ABCB6: variants seen among roughly 807,000 people sequenced by gnomAD.
ABCB6 encodes ATP binding cassette subfamily B member 6 (LAN blood group), also known as ATP-binding cassette sub-family B member 6.
In ABCB6, 87 loss-of-function variants were observed where a neutral mutation model predicts 99.4. The observed-to-expected ratio is 0.88, with a 90% confidence interval of 0.74 to 1.05. ABCB6 has a LOEUF of 1.05. ABCB6 is among the 50% of genes least tolerant of loss of function. The pLI is 0.00. For missense variants in ABCB6, 1,050 were observed against 1,097.9 expected, an observed-to-expected ratio of 0.96 and a Z score of 0.62; for synonymous variants, 482 against 447.5, an observed-to-expected ratio of 1.08 and a Z score of -0.97.
intron 14 of ABCB6, among the ~76,000 whole-genome samples, chr2:219,211,626 T>C (rs1950580104): frequency 7.1e-6 from 1 of 141,520 alleles, no homozygotes; most frequent in Non-Finnish European, 1.5e-5. Flanking sequence ...TGTACCTTTT[T>C]TTTTTTTTTT....
rs1574807950 is a variant in ABCB6 at position 219,210,152 on chromosome 2, AG to A, written c.2420+77del. ...GATGGGAAGGGAGGTCCCCTCCAGA[AG>A]CCCCTGGGACTTCATGCCCCCTTTC... On this transcript the variant is annotated intron_variant, in intron 18 of 18. Coordinates refer to ENST00000265316, the MANE Select transcript of ABCB6 (RefSeq NM_005689.4). 39 of 1,601,452 alleles carry A rather than the reference AG, an allele frequency of 2.4e-5. No individual in the cohort carries two copies. In the East Asian group the frequency reaches 8.7e-4, roughly 36 times the overall value.
chr2:219,218,553 TCC>T lies in ABCB6; in HGVS notation c.119_120del (p.Gly40AspfsTer20). 3 of 1,611,922 alleles carry T rather than the reference TCC, an allele frequency of 1.9e-6. No homozygotes were observed. Among genetic ancestry groups the T allele is most frequent in the Non-Finnish European group, 2.5e-6 (3 of 1,179,614 alleles). On this transcript the variant is annotated frameshift_variant, in exon 1 of 19. Coordinates refer to ENST00000265316, the MANE Select transcript of ABCB6 (RefSeq NM_005689.4). LOFTEE classifies it high-confidence loss of function. ...TLVPSTRMAL[G>X]TLALVLALPC... Reference sequence around the variant, plus strand: ...GGAAGAGCCAGCACCAAGGCCAGAGTCCCCAGAGCCATCCGCGTCGAGGGCAC... The same window carrying T: ...GGAAGAGCCAGCACCAAGGCCAGAGTCCAGAGCCATCCGCGTCGAGGGCAC...
rs775976189 is a variant in ABCB6, at chr2:219,216,632, C to G, written c.868+20G>C. ...GCTGATGAAGGACCAGCACACTGAG[C>G]TGGTGCTCCTCCTGCTCACCAATGT... On this transcript the variant is annotated intron_variant, in intron 3 of 18. Coordinates refer to ENST00000265316, the MANE Select transcript of ABCB6 (RefSeq NM_005689.4). This position sits in a 1 kb window ranked among gnomAD's most constrained non-coding sequence, Gnocchi z 4.2. 9.7e-6 allele frequency: 15 copies of G among 1,548,658 alleles called. No individual in the cohort carries two copies. The South Asian group carries it at 1.8e-4, about 18-fold the overall frequency.
rs749622093 is a variant in ABCB6 at position 219,212,438 on chromosome 2, G to A, written c.1917C>T (p.Phe639=). ...KSTILRLLFR[F]YDISSGCIRI... is the part of the protein sequence containing the mutation. ...GGATGCAGCCAGAGCTGATGTCGTA[G>A]AAGCGAAACAGCAGGCGCAAAATTG... Residue 639 remains phenylalanine, a synonymous_variant, in exon 14 of 19, where the codon TTC becomes TTT. Transcript: ENST00000265316. The A allele has an allele frequency of 4.3e-6, 7 of 1,614,220 alleles. No homozygotes were observed. Among genetic ancestry groups the A allele is most frequent in the East Asian group, 2.2e-5 (1 of 44,878 alleles).
In ABCB6 at chr2:219,211,112, G is replaced by A. The variant is rs534474878; in HGVS notation, c.1969-4C>T. ...ACCGGAGAGAGGCCTGGGTCACCTAGGGCCAAAAGACCACACACTCTGCCT... is the reference window on the plus strand; with the variant it reads ...ACCGGAGAGAGGCCTGGGTCACCTAAGGCCAAAAGACCACACACTCTGCCT... On this transcript the variant is annotated splice_region_variant and splice_polypyrimidine_tract_variant and intron_variant, in intron 14 of 18. Transcript: ENST00000265316. 3 of 1,613,922 alleles carry A rather than the reference G, an allele frequency of 1.9e-6. No individual in the cohort carries two copies. The highest frequency in any genetic ancestry group is 2.7e-5 in the African/African-American group (2 of 75,042).
chr2:219,210,330 C>G (rs1009778203), intron 17 of ABCB6, 32 bp from the exon 18 acceptor site: 4 of 1,614,092 alleles, frequency 2.5e-6, no homozygotes, highest in Admixed American at 3.3e-5. Flanking sequence ...GCCTACTACC[C>G]CACCCAAAGC....
At chr2:219,217,609 A>C (rs1574817756) in intron 2 of ABCB6, 61 bp downstream of exon 2, 6 of 1,431,964 alleles carry the variant, frequency 4.2e-6, no homozygotes, top group Non-Finnish European at 5.7e-6. Context: ...ACGCCACTGC[A>C]CTCCAGCCTG....
At chr2:219,217,992 G>A (rs1459404710) in intron 1 of ABCB6, 133 bp downstream of exon 1, 7 of 1,373,272 alleles carry the variant, frequency 5.1e-6, no homozygotes, top group African/African-American at 1.5e-5. Flanking sequence ...ATCAGCTCCC[G>A]GCAGGACTCA....
At chr2:219,218,086 G>A (rs778244841) in intron 1 of ABCB6, 39 bp downstream of exon 1, 3 of 1,559,594 alleles carry the variant, frequency 1.9e-6, no homozygotes, top group Non-Finnish European at 1.7e-6. Flanking sequence ...TCCCAAGCCC[G>A]GCCAGCAGAG....
chr2:219,211,382 C>T (rs921766330), intron 14 of ABCB6, among the ~76,000 whole-genome samples: 4 of 152,176 alleles, frequency 2.6e-5, no homozygotes, highest in African/African-American at 7.2e-5. Flanking sequence ...CGGCTTACTG[C>T]AGCCTTGACC....
Position 219,218,172 on chromosome 2 carries a change from A to G in ABCB6, c.502T>C (p.Trp168Arg). The G allele has an allele frequency of 6.2e-7, 1 of 1,613,636 alleles. No individual in the cohort carries two copies. ...FAAENLALVS[W>R]NSPQWWWARA... ...GCCCACCACCACTGTGGGCTGTTCC[A>G]AGACACCAGGGCCAAGTTCTCAGCT... The change falls in exon 1 of 19, where the codon TGG becomes CGG. Residue 168 changes from tryptophan (W) to arginine (R), a missense_variant. Transcript: ENST00000265316.
chr2:219,212,562 AC>A, intron 13 of ABCB6, 71 bp from the exon 14 acceptor site: 2 of 1,215,908 alleles, frequency 1.6e-6, no homozygotes, highest in South Asian at 1.2e-5. Flanking sequence ...TCACTCCGTC[AC>A]CCAGGCTGCA....
rs1950639511 is a variant in ABCB6, at chr2:219,216,187, G to A, written c.971-7C>T. ...CGCAGGTTGCTCACGAAGCCTGCAGGGAGCCGGGGGACGCCTCAGTAGGGC... is the reference window on the plus strand; with the variant it reads ...CGCAGGTTGCTCACGAAGCCTGCAGAGAGCCGGGGGACGCCTCAGTAGGGC... On this transcript the variant is annotated splice_polypyrimidine_tract_variant and splice_region_variant and intron_variant, in intron 4 of 18. Coordinates refer to ENST00000265316, the MANE Select transcript of ABCB6 (RefSeq NM_005689.4). This position sits in a 1 kb window ranked among gnomAD's most constrained non-coding sequence, Gnocchi z 4.2. 1.9e-6 allele frequency: 3 copies of A among 1,581,942 alleles called. No individual in the cohort carries two copies. The highest frequency in any genetic ancestry group is 2.6e-6 in the Non-Finnish European group (3 of 1,160,540).
intron 6 of ABCB6, 136 bp from the exon 7 acceptor site, chr2:219,214,634 C>T (rs1217394340): frequency 1.5e-6 from 1 of 680,654 alleles, no homozygotes; most frequent in Non-Finnish European, 2.5e-6. Flanking sequence ...CAGGGAGGCA[C>T]CTCTGCAGCC....
chr2:219,210,265 G>A lies in ABCB6; in HGVS notation c.2385C>T (p.Leu795=), dbSNP rs778835665. 8 of 1,614,212 alleles carry A rather than the reference G, an allele frequency of 5.0e-6. No individual in the cohort carries two copies. The highest frequency in any genetic ancestry group is 3.3e-4 in the Middle Eastern group (2 of 6,062). Residue 795 remains leucine, a synonymous_variant, in exon 18 of 19, where the codon CTC becomes CTT. Transcript: ENST00000265316. ...CCACGATGCAGCCATCCTTGATGAC[G>A]AGGATCTGGTCAGCATTGACCACAG... ...LSTVVNADQI[L]VIKDGCIVER...
At position 219,218,830 on chromosome 2, in the gene ABCB6, G is replaced by T. The variant is rs1426155485; in HGVS notation, c.-157C>A. The T allele has an allele frequency of 1.3e-6, 1 of 776,234 alleles. No homozygotes were observed. 48.1% of individuals were successfully genotyped at this position (776,234 alleles called of 1,614,324 possible). ...CCGGGAAGGGACGCACGTGGACCAG[G>T]CCTCACCGCCCACTCCCCTAGCGCA... is the stretch of plus-strand genomic sequence containing the variant. On this transcript the variant is annotated 5_prime_UTR_variant, in exon 1 of 19. Transcript: ENST00000265316.
chr2:219,218,365 C>T lies in ABCB6; in HGVS notation c.309G>A (p.Leu103=), dbSNP rs1165260097. The change falls in exon 1 of 19, where the codon CTG becomes CTA. Residue 103 remains leucine, a synonymous_variant. Coordinates refer to ENST00000265316, the MANE Select transcript of ABCB6 (RefSeq NM_005689.4). The part of the protein sequence containing the change: ...GRVGTARGAP[L]PSYLLLASVL... ...CGGAGGCCAGAAGTAGATAGCTTGG[C>T]AGTGGGGCCCCCCGGGCAGTGCCCA... is the stretch of plus-strand genomic sequence containing the variant. The T allele has an allele frequency of 3.7e-6, 6 of 1,612,786 alleles. No individual in the cohort carries two copies. Among genetic ancestry groups the T allele is most frequent in the African/African-American group, 2.7e-5 (2 of 74,946 alleles).
At position 219,216,215 on chromosome 2, in the gene ABCB6, G is replaced by A. The variant is rs772233545; in HGVS notation, c.971-35C>T. On this transcript the variant is annotated intron_variant, in intron 4 of 18. Coordinates refer to ENST00000265316, the MANE Select transcript of ABCB6 (RefSeq NM_005689.4). This position sits in a 1 kb window ranked among gnomAD's most constrained non-coding sequence, Gnocchi z 4.2. Reference sequence around the variant, plus strand: ...GCCGGGGGACGCCTCAGTAGGGCCTGGGAGCTGAGGGACGTCAGCCCAGCA... The same window carrying A: ...GCCGGGGGACGCCTCAGTAGGGCCTAGGAGCTGAGGGACGTCAGCCCAGCA... 1 of 1,568,460 alleles carries A rather than the reference G, an allele frequency of 6.4e-7. No homozygotes were observed. The highest frequency in any genetic ancestry group is 1.2e-5 in the South Asian group (1 of 85,768).
intron 14 of ABCB6, among the ~76,000 whole-genome samples, chr2:219,211,334 C>T (rs1425791040): frequency 6.6e-6 from 1 of 152,208 alleles, no homozygotes; most frequent in Non-Finnish European, 1.5e-5. Context: ...GGATAGAGTC[C>T]ACTCTGTCAC....
Sources: allele counts gnomAD v4.1 joint callset (sites outside exome capture counted in the v4.1 genomes callset), GRCh38; gene constraint gnomAD v4.1.1; non-coding constraint Gnocchi (gnomAD v3.1); transcripts MANE v1.5; gene names NCBI Gene and HGNC (gene_info 2026-07-23, HGNC 2026-07-21).